ASIC2: variants seen among roughly 807,000 people sequenced by gnomAD.
The protein encoded by ASIC2 is acid sensing ion channel subunit 2, also known as acid-sensing ion channel 2.
In ASIC2, 25 loss-of-function variants were observed where a neutral mutation model predicts 57.3. The observed-to-expected ratio is 0.44, with a 90% CI of 0.32 to 0.61. The LOEUF (loss-of-function observed/expected upper bound fraction) is 0.61, where lower values mean the gene tolerates loss of function less well. Ranked by LOEUF, ASIC2 falls within the 20% of genes least tolerant of loss-of-function variation. ASIC2 has a pLI of 0.06. For synonymous variants in ASIC2, 319 were observed against 307.5 expected, an observed-to-expected ratio of 1.04 and a Z score of -0.39; for missense variants, 641 against 738.1, an observed-to-expected ratio of 0.87 and a Z score of 1.52.
At chr17:33,662,730 C>CTCCCTCCT (rs1014387024) in intron 1 of ASIC2, among the ~76,000 whole-genome samples, 1 of 150,220 alleles carries the variant, frequency 6.7e-6, no homozygotes, top group African/African-American at 2.4e-5. Context: ...CCCTCCCTCC[C>CTCCCTCCT]TCCCTCCTTC....
chr17:33,394,219 G>T (rs1909996796), intron 1 of ASIC2, among the ~76,000 whole-genome samples: 1 of 152,214 alleles, frequency 6.6e-6, no homozygotes. Flanking sequence ...CCCTGGGGGA[G>T]CCCAGTGGGA....
chr17:33,701,184 C>T (rs536361998), intron 1 of ASIC2, among the ~76,000 whole-genome samples: 1 of 152,060 alleles, frequency 6.6e-6, no homozygotes, highest in South Asian at 2.1e-4. Context: ...GATTAAAAAC[C>T]TAGGATGCAG....
At chr17:33,768,393 T>A (rs888631014) in intron 1 of ASIC2, among the ~76,000 whole-genome samples, 2 of 152,114 alleles carry the variant, frequency 1.3e-5, no homozygotes, top group African/African-American at 4.8e-5. Context: ...GGGTCTAGAA[T>A]CTCCAATGCA....
chr17:34,139,753 G>A (rs4795874), intron 1 of ASIC2, among the ~76,000 whole-genome samples: 1 of 151,844 alleles, frequency 6.6e-6, no homozygotes, highest in African/African-American at 2.4e-5. Context: ...GAACTGGAGG[G>A]GGGGGGATTG....
At chr17:33,836,810 A>ACCACTGAACT (rs1296257610) in intron 1 of ASIC2, among the ~76,000 whole-genome samples, 2 of 152,122 alleles carry the variant, frequency 1.3e-5, no homozygotes. Flanking sequence ...CCAAGATCAC[A>ACCACTGAACT]CCACTGAACT....
Position 33,461,402 on chromosome 17 carries a change from T to C in ASIC2, c.556-349335A>G, listed in dbSNP as rs184669553. Among the ~76,000 whole-genome samples the C allele has an allele frequency of 9.2e-4, 140 of 152,258 alleles. 1 individual carries two copies. Among genetic ancestry groups the C allele is most frequent in the Non-Finnish European group, 1.4e-3 (95 of 68,016 alleles). On this transcript the variant is annotated intron_variant, in intron 1 of 9. Coordinates refer to the ASIC2 transcript ENST00000359872. ...ATTCTTGGGCATATTCTCCAAATTC[T>C]CCATGCAGGGAGCCCTCCAGATCTT...
intron 1 of ASIC2, among the ~76,000 whole-genome samples, chr17:33,149,783 G>A (rs1166937245): frequency 6.6e-6 from 1 of 152,154 alleles, no homozygotes; most frequent in Non-Finnish European, 1.5e-5. Flanking sequence ...GAGGTTGAAA[G>A]TTTATTCATA....
At chr17:33,562,140 G>A (rs1916091643) in intron 1 of ASIC2, among the ~76,000 whole-genome samples, 1 of 152,132 alleles carries the variant, frequency 6.6e-6, no homozygotes, top group Non-Finnish European at 1.5e-5. Flanking sequence ...CTTCCTTTGT[G>A]AAACCCTCTT....
chr17:34,039,972 C>T lies in ASIC2; in HGVS notation c.555+116006G>A, dbSNP rs998180593. The T allele has an allele frequency of 1.4e-4, 145 of 1,021,534 alleles. 1 individual carries two copies. The highest frequency in any genetic ancestry group is 1.9e-4 in the Non-Finnish European group (133 of 690,422). The allele number at this position is 1,021,534 out of a possible 1,614,324, so 63.3% of individuals were successfully genotyped here. ...GCTCCGCTCTCCCCCTGGGCAGGCCCGGGGCGGAGCCGGGGCCTCTCCTGA... is the reference window on the plus strand; with the variant it reads ...GCTCCGCTCTCCCCCTGGGCAGGCCTGGGGCGGAGCCGGGGCCTCTCCTGA... On this transcript the variant is annotated intron_variant, in intron 1 of 9. Transcript: ENST00000359872.
intron 1 of ASIC2, among the ~76,000 whole-genome samples, chr17:33,760,086 A>G (rs998336643): frequency 6.6e-6 from 1 of 152,172 alleles, no homozygotes; most frequent in Non-Finnish European, 1.5e-5. Flanking sequence ...GCAAACTAAG[A>G]TACTGTCTCA....
At chr17:33,156,310 T>C (rs1905001351) in intron 1 of ASIC2, among the ~76,000 whole-genome samples, 4 of 151,856 alleles carry the variant, frequency 2.6e-5, no homozygotes, top group Admixed American at 2.6e-4. Flanking sequence ...GTATTTTTAG[T>C]AGAGACAGGG....
intron 1 of ASIC2, among the ~76,000 whole-genome samples, chr17:33,464,210 C>T (rs1288713089): frequency 2.6e-5 from 4 of 152,176 alleles, no homozygotes; most frequent in African/African-American, 9.7e-5. Context: ...ACCCTGCCTG[C>T]TCAGTGGCTT....
chr17:33,176,813 A>G (rs755741958), intron 1 of ASIC2, among the ~76,000 whole-genome samples: 10 of 152,270 alleles, frequency 6.6e-5, no homozygotes, highest in South Asian at 2.1e-4. Context: ...TGTCCCCAGA[A>G]CCCTGGGTCT....
At chr17:33,218,110 A>G (rs1161835678) in intron 1 of ASIC2, among the ~76,000 whole-genome samples, 1 of 152,232 alleles carries the variant, frequency 6.6e-6, no homozygotes, top group Non-Finnish European at 1.5e-5. Flanking sequence ...ATGCTTTTAA[A>G]TGTTTTTATT....
At chr17:33,495,328 A>G (rs1387978723) in intron 1 of ASIC2, among the ~76,000 whole-genome samples, 3 of 152,118 alleles carry the variant, frequency 2.0e-5, no homozygotes, top group Non-Finnish European at 4.4e-5. Context: ...CCTGATCATA[A>G]CTGCTTTCAG....
chr17:34,022,792 C>T (rs1191998383), intron 1 of ASIC2, among the ~76,000 whole-genome samples: 1 of 152,178 alleles, frequency 6.6e-6, no homozygotes, highest in East Asian at 1.9e-4. Context: ...GCCCTCATAG[C>T]TTTCCTGCAG....
chr17:33,496,478 G>A (rs544110936), intron 1 of ASIC2, among the ~76,000 whole-genome samples: 2 of 152,112 alleles, frequency 1.3e-5, no homozygotes, highest in Non-Finnish European at 1.5e-5. Context: ...TAAAGTTTAG[G>A]GACTTGGCAT....
chr17:33,634,768 T>C (rs1441266278), intron 1 of ASIC2: 1 of 150,702 alleles, frequency 6.6e-6, no homozygotes, highest in Non-Finnish European at 1.5e-5. Context: ...TTAGCCAGGA[T>C]GGTCTCAATC....
chr17:33,190,998 A>G (rs932624569), intron 1 of ASIC2, among the ~76,000 whole-genome samples: 2 of 152,232 alleles, frequency 1.3e-5, no homozygotes, highest in African/African-American at 2.4e-5. Flanking sequence ...GAAAGAAAGC[A>G]TAAATTCATG....
Sources: allele counts gnomAD v4.1 joint callset (sites outside exome capture counted in the v4.1 genomes callset), GRCh38; gene constraint gnomAD v4.1.1; transcripts MANE v1.5; gene names NCBI Gene and HGNC (gene_info 2026-07-23, HGNC 2026-07-21).